XKR4: variants seen among roughly 807,000 people sequenced by gnomAD.
The protein encoded by XKR4 is XK-related protein 4.
In XKR4, 12 loss-of-function variants were observed where a neutral mutation model predicts 53.9. That is an observed-to-expected ratio of 0.22 (90% CI 0.14 to 0.36). The LOEUF is 0.36. Ranked by LOEUF, XKR4 falls within the 10% of genes least tolerant of loss-of-function variation. The probability of loss-of-function intolerance (pLI) is 1.00; values close to 1 mark genes in which losing one functional copy is unlikely to be tolerated. For missense variants in XKR4, 799 were observed against 859.5 expected (o/e 0.93, Z 0.88); for synonymous variants, 354 against 362.4 (o/e 0.98, Z 0.26).
chr8:55,438,170 C>A (rs1441835574), intron 2 of XKR4, among the ~76,000 whole-genome samples: 1 of 151,958 alleles, frequency 6.6e-6, no homozygotes. Flanking sequence ...TTAACTAAGT[C>A]CCAATTCAAT....
intron 2 of XKR4, among the ~76,000 whole-genome samples, chr8:55,408,771 G>T (rs537531370): frequency 6.6e-6 from 1 of 152,258 alleles, no homozygotes; most frequent in South Asian, 2.1e-4. Flanking sequence ...GACTTTGGGA[G>T]GTTGAGGCGG....
intron 2 of XKR4, chr8:55,455,126 G>C: frequency 1.6e-6 from 1 of 630,322 alleles, no homozygotes; most frequent in South Asian, 1.7e-5. Flanking sequence ...GAAGTAGTCT[G>C]TGATCCGCGC....
intron 2 of XKR4, among the ~76,000 whole-genome samples, chr8:55,468,215 G>A (rs1805811176): frequency 6.6e-6 from 1 of 152,070 alleles, no homozygotes; most frequent in Non-Finnish European, 1.5e-5. Context: ...CAGCCAGAGA[G>A]ATGAATGTAT....
chr8:55,460,502 G>C (rs1179764195), intron 2 of XKR4, among the ~76,000 whole-genome samples: 2 of 152,188 alleles, frequency 1.3e-5, no homozygotes, highest in Non-Finnish European at 2.9e-5. Context: ...TGGGAGGGTG[G>C]AGCCAAGATG....
chr8:55,376,601 A>C (rs2129386850), intron 2 of XKR4, among the ~76,000 whole-genome samples: 1 of 152,056 alleles, frequency 6.6e-6, no homozygotes, highest in South Asian at 2.1e-4. Context: ...AATTTGCTTA[A>C]GTTCTTTGTA....
chr8:55,253,001 C>T (rs763908122), intron 1 of XKR4, among the ~76,000 whole-genome samples: 4 of 152,124 alleles, frequency 2.6e-5, no homozygotes, highest in Non-Finnish European at 4.4e-5. Flanking sequence ...GTCATCTTGG[C>T]CTCCAGCTTT....
In XKR4 at chr8:55,286,174, A is replaced by G. The variant is rs544180808; in HGVS notation, c.807-71504A>G. Among the ~76,000 whole-genome samples, 6 of 152,328 alleles carry G rather than the reference A, an allele frequency of 3.9e-5. No individual in the cohort carries two copies. The South Asian group carries it at 8.3e-4, about 21-fold the overall frequency. On this transcript the variant is annotated intron_variant, in intron 1 of 2. Coordinates refer to ENST00000327381, the MANE Select transcript of XKR4 (RefSeq NM_052898.2). ...GAGGGTCTCCTCCCTCAAAATGACA[A>G]TTGTGAAATGAGTGGCTCTGAAAAT...
chr8:55,381,647 C>T (rs1422177004), intron 2 of XKR4, among the ~76,000 whole-genome samples: 2 of 151,862 alleles, frequency 1.3e-5, no homozygotes, highest in Admixed American at 1.3e-4. Context: ...TGGAAGCCAC[C>T]CACATTGAGA....
chr8:55,496,837 C>T (rs1806358311), intron 2 of XKR4, among the ~76,000 whole-genome samples: 1 of 151,968 alleles, frequency 6.6e-6, no homozygotes, highest in South Asian at 2.1e-4. Flanking sequence ...AATTATAATC[C>T]CATCATTAGA....
At chr8:55,369,247 C>T (rs1311595583) in intron 2 of XKR4, among the ~76,000 whole-genome samples, 1 of 151,442 alleles carries the variant, frequency 6.6e-6, no homozygotes, top group East Asian at 1.9e-4. Context: ...CATGTAGTCC[C>T]AGTTACTTGA....
At chr8:55,348,592 A>G (rs916058178) in intron 1 of XKR4, among the ~76,000 whole-genome samples, 6 of 152,068 alleles carry the variant, frequency 3.9e-5, no homozygotes, top group African/African-American at 7.2e-5. Context: ...ACAATATAGG[A>G]CATGAGGTTA....
In XKR4 at chr8:55,237,165, G is replaced by A. The variant is rs570030510; in HGVS notation, c.807-120513G>A. On this transcript the variant is annotated intron_variant, in intron 1 of 2. Transcript: ENST00000327381. Reference sequence around the variant, plus strand: ...GTGATCATATATCACTCTCCTTCGCGGAGATGAATTCCTTGGGGAGGTGAG... The same window carrying A: ...GTGATCATATATCACTCTCCTTCGCAGAGATGAATTCCTTGGGGAGGTGAG... Among the ~76,000 whole-genome samples the A allele has an allele frequency of 1.3e-4, 20 of 152,230 alleles. No individual in the cohort carries two copies. The South Asian group carries it at 2.3e-3, about 17-fold the overall frequency.
At position 55,102,383 on chromosome 8, in the gene XKR4, C is replaced by T; in HGVS notation, c.-106C>T. 7.5e-7 allele frequency: 1 copy of T among 1,326,204 alleles called. No individual in the cohort carries two copies. The highest frequency in any genetic ancestry group is 1.8e-5 in the South Asian group (1 of 54,976). The allele number at this position is 1,326,204 out of a possible 1,614,324, so 82.2% of individuals were successfully genotyped here. ...GCAGGAGCAGGAGGAGGGGGAGCCG[C>T]ACCGCCTGGGAGGGAAGCCGGGGCG... On this transcript the variant is annotated 5_prime_UTR_variant, in exon 1 of 3. Transcript: ENST00000327381. The surrounding 1 kb of genome is among the most constrained non-coding windows in gnomAD (Gnocchi z 5.1).
Position 55,475,065 on chromosome 8 carries a change from A to C in XKR4, c.1007-48216A>C, listed in dbSNP as rs1289943609. Among the ~76,000 whole-genome samples the C allele has an allele frequency of 2.0e-5, 3 of 152,164 alleles. No homozygotes were observed. In the East Asian group the frequency reaches 5.8e-4, roughly 29 times the overall value. On this transcript the variant is annotated intron_variant, in intron 2 of 2. Transcript: ENST00000327381. ...TAAAAACAATAACCTAAGAACTTAT[A>C]AATACATGCAAAATAATACAATAAA... is the stretch of plus-strand genomic sequence containing the variant.
In XKR4 at chr8:55,386,816, A is replaced by T. The variant is rs531895362; in HGVS notation, c.1006+28939A>T. 5.3e-5 allele frequency among the ~76,000 whole-genome samples: 8 copies of T among 152,296 alleles called. No homozygotes were observed. The South Asian group carries it at 1.7e-3, about 32-fold the overall frequency. On this transcript the variant is annotated intron_variant, in intron 2 of 2. Transcript: ENST00000327381. ...ACACATTTATTTTCTTTTGTTTTTA[A>T]ACAGATTTTCATCTAGGAAGAAACT... is the stretch of plus-strand genomic sequence containing the variant.
intron 2 of XKR4, among the ~76,000 whole-genome samples, chr8:55,424,988 TA>T (rs1176986052): frequency 6.6e-6 from 1 of 152,200 alleles, no homozygotes; most frequent in Non-Finnish European, 1.5e-5. Flanking sequence ...CTAATTCCCA[TA>T]AAAAACTGGA....
chr8:55,396,600 G>T (rs1241540870), intron 2 of XKR4, among the ~76,000 whole-genome samples: 1 of 151,998 alleles, frequency 6.6e-6, no homozygotes, highest in Non-Finnish European at 1.5e-5. Flanking sequence ...CATAGTTAGA[G>T]CCGGCATCTC....
intron 1 of XKR4, among the ~76,000 whole-genome samples, chr8:55,252,730 G>A (rs1409591020): frequency 6.6e-6 from 1 of 152,172 alleles, no homozygotes; most frequent in Non-Finnish European, 1.5e-5. Context: ...GTAGTTTACT[G>A]CTTTCTGATG....
At chr8:55,372,748 T>C (rs994748706) in intron 2 of XKR4, among the ~76,000 whole-genome samples, 11 of 152,308 alleles carry the variant, frequency 7.2e-5, no homozygotes, top group Admixed American at 3.3e-4. Context: ...TTTAAAAGTA[T>C]TCCTCAGAGA....
Sources: gnomAD v4.1 joint callset for allele counts (sites outside exome capture counted in the v4.1 genomes callset) on GRCh38, gnomAD v4.1.1 for gene constraint, Gnocchi (gnomAD v3.1) non-coding constraint, MANE v1.5 for transcripts, NCBI Gene and HGNC (gene_info 2026-07-23, HGNC 2026-07-21) for gene names.